The following PRMT8 variants were observed in gnomAD, a reference collection of about 807,000 sequenced individuals.
PRMT8 encodes the protein protein arginine methyltransferase 8.
A neutral mutation model predicts 47.1 loss-of-function variants in PRMT8; 7 were observed. That is an observed-to-expected ratio of 0.15 (90% CI 0.08 to 0.28). PRMT8 has a LOEUF of 0.28. Among genes scored for constraint, PRMT8 ranks in the 10% least tolerant of loss-of-function variants. The pLI is 1.00. For synonymous variants in PRMT8, 188 were observed against 186.5 expected, an observed-to-expected ratio of 1.01 and a Z score of -0.07; for missense variants, 237 against 505.4, an observed-to-expected ratio of 0.47 and a Z score of 5.09.
rs911339271 is a variant in PRMT8, at chr12:3,396,336, T to C, written c.48+14894T>C. On this transcript the variant is annotated intron_variant, in intron 1 of 9. Coordinates refer to the PRMT8 transcript ENST00000452611. ...TGGTCTTTACATTTTGGCATGATTT[T>C]GCAGCGGCTGGTACCGGTTGTTCCT... Among the ~76,000 whole-genome samples the C allele has an allele frequency of 8.8e-4, 134 of 152,326 alleles. 1 individual carries two copies. Among genetic ancestry groups the C allele is most frequent in the African/African-American group, 3.0e-3 (124 of 41,566 alleles).
At chr12:3,532,611 C>CAAAAAAAAAAAAA (rs35698030) in intron 1 of PRMT8, among the ~76,000 whole-genome samples, 4 of 24,656 alleles carry the variant, frequency 1.6e-4, no homozygotes, top group Non-Finnish European at 2.1e-4. Context: ...GACTCCGTCT[C>CAAAAAAAAAAAAA]AAAAAAAAAA....
At chr12:3,530,459 A>G (rs554257994) in intron 1 of PRMT8, among the ~76,000 whole-genome samples, 2 of 152,340 alleles carry the variant, frequency 1.3e-5, no homozygotes, top group African/African-American at 4.8e-5. Context: ...ACAATTTGCC[A>G]GCAAAATAAA....
chr12:3,389,848 G>C (rs1268220566), intron 1 of PRMT8, among the ~76,000 whole-genome samples: 1 of 152,240 alleles, frequency 6.6e-6, no homozygotes, highest in Non-Finnish European at 1.5e-5. Context: ...GGAAGCAAGG[G>C]AAGGGCAGAA....
chr12:3,480,695 A>G (rs1055887881), intron 1 of PRMT8, among the ~76,000 whole-genome samples: 2 of 152,200 alleles, frequency 1.3e-5, no homozygotes, highest in Admixed American at 6.5e-5. Flanking sequence ...TCTGATGCCT[A>G]TAGTCCACGG....
At chr12:3,423,880 T>C (rs1213377659) in intron 1 of PRMT8, among the ~76,000 whole-genome samples, 2 of 152,180 alleles carry the variant, frequency 1.3e-5, no homozygotes, top group Non-Finnish European at 2.9e-5. Flanking sequence ...AGCTATGCAA[T>C]ATTGTCCAAT....
At chr12:3,528,212 G>T (rs1022452788) in intron 1 of PRMT8, among the ~76,000 whole-genome samples, 3 of 152,036 alleles carry the variant, frequency 2.0e-5, no homozygotes, top group Non-Finnish European at 4.4e-5. Flanking sequence ...CATCAATTTG[G>T]AAGATGAAAC....
At chr12:3,513,838 C>G (rs1412029575) in intron 1 of PRMT8, among the ~76,000 whole-genome samples, 1 of 152,238 alleles carries the variant, frequency 6.6e-6, no homozygotes, top group Non-Finnish European at 1.5e-5. Flanking sequence ...TAGTTCAGTT[C>G]ATTGCCTCAG....
At chr12:3,434,968 C>CTTTT (rs398044252) in intron 1 of PRMT8, among the ~76,000 whole-genome samples, 2 of 130,722 alleles carry the variant, frequency 1.5e-5, no homozygotes, top group African/African-American at 5.8e-5. Context: ...TTGCTTTGCT[C>CTTTT]TTTTTTTTTT....
At chr12:3,425,382 G>C (rs1194779128) in intron 1 of PRMT8, among the ~76,000 whole-genome samples, 1 of 152,254 alleles carries the variant, frequency 6.6e-6, no homozygotes, top group Non-Finnish European at 1.5e-5. Context: ...ACCCCGTCTA[G>C]TTGTTTAGAG....
chr12:3,439,402 G>T (rs933860318), intron 1 of PRMT8, among the ~76,000 whole-genome samples: 1 of 151,986 alleles, frequency 6.6e-6, no homozygotes, highest in Non-Finnish European at 1.5e-5. Flanking sequence ...TACACCTTGG[G>T]AAAGCTTGAG....
chr12:3,414,782 C>T (rs1016343754), intron 1 of PRMT8, among the ~76,000 whole-genome samples: 2 of 151,898 alleles, frequency 1.3e-5, no homozygotes, highest in African/African-American at 4.8e-5. Flanking sequence ...CTGCACCATC[C>T]GAAGTTAGGT....
chr12:3,573,062 C>G (rs1351832041), intron 6 of PRMT8, among the ~76,000 whole-genome samples: 2 of 152,124 alleles, frequency 1.3e-5, no homozygotes, highest in Non-Finnish European at 2.9e-5. Flanking sequence ...GCCAGTATCT[C>G]TACAAATATT....
intron 1 of PRMT8, among the ~76,000 whole-genome samples, chr12:3,458,448 C>A (rs757987825): frequency 1.3e-5 from 2 of 152,158 alleles, no homozygotes; most frequent in Non-Finnish European, 2.9e-5. Context: ...CCCACCTTGA[C>A]GAGAGGAGGC....
At chr12:3,486,559 A>C (rs952137655), upstream of PRMT8, among the ~76,000 whole-genome samples, 2 of 152,170 alleles carry the variant, frequency 1.3e-5, 1 homozygote, top group Non-Finnish European at 2.9e-5. Context: ...GGGATTCCAG[A>C]GAGATTTCCC....
At chr12:3,486,906 G>T (rs1865328383), upstream of PRMT8, among the ~76,000 whole-genome samples, 1 of 152,218 alleles carries the variant, frequency 6.6e-6, no homozygotes, top group Non-Finnish European at 1.5e-5. Flanking sequence ...AATGGCAAAA[G>T]AAAAATCCCA....
At chr12:3,497,144 G>A (rs1865522981) in intron 1 of PRMT8, among the ~76,000 whole-genome samples, 1 of 152,136 alleles carries the variant, frequency 6.6e-6, no homozygotes, top group Non-Finnish European at 1.5e-5. Flanking sequence ...GCCAGCAGGG[G>A]GAAAATGGGC....
rs1435888123 is a variant in PRMT8 at position 3,514,908 on chromosome 12, A to G, written c.75+23208A>G. Among the ~76,000 whole-genome samples, 3 of 152,058 alleles carry G rather than the reference A, an allele frequency of 2.0e-5. No individual in the cohort carries two copies. The highest frequency in any genetic ancestry group is 7.2e-5 in the African/African-American group (3 of 41,384). ...TCATCCTGGAGCTCCTCTCTTACCA[A>G]TCCCAGGCAACTGCCACTTTGCTTC... On this transcript the variant is annotated intron_variant, in intron 1 of 9. Transcript: ENST00000382622. The surrounding 1 kb of genome is among the most constrained non-coding windows in gnomAD (Gnocchi z 5.9).
chr12:3,446,449 C>T (rs1292839036), intron 1 of PRMT8, among the ~76,000 whole-genome samples: 1 of 152,164 alleles, frequency 6.6e-6, no homozygotes, highest in Non-Finnish European at 1.5e-5. Context: ...CCAGCTGCAG[C>T]TGCGCTCCCT....
chr12:3,491,336 C>G lies in PRMT8; in HGVS notation c.-290C>G. 9.0e-7 allele frequency: 1 copy of G among 1,116,984 alleles called. No homozygotes were observed. The highest frequency in any genetic ancestry group is 1.1e-6 in the Non-Finnish European group (1 of 914,696). The allele number at this position is 1,116,984 out of a possible 1,614,324, so 69.2% of individuals were successfully genotyped here. ...GCGGAGGCTTCGGGGCTGCTTCCCTCGAGCTTAGCCCGCAGCGCGGGTGGA... is the reference window on the plus strand; with the variant it reads ...GCGGAGGCTTCGGGGCTGCTTCCCTGGAGCTTAGCCCGCAGCGCGGGTGGA... On this transcript the variant is annotated 5_prime_UTR_variant, in exon 1 of 10. Coordinates refer to ENST00000382622, the MANE Select transcript of PRMT8 (RefSeq NM_019854.5).
Sources: gnomAD v4.1 joint callset for allele counts (sites outside exome capture counted in the v4.1 genomes callset) on GRCh38, gnomAD v4.1.1 for gene constraint, Gnocchi (gnomAD v3.1) non-coding constraint, MANE v1.5 for transcripts, NCBI Gene and HGNC (gene_info 2026-07-23, HGNC 2026-07-21) for gene names.